The following KLHL1 variants were observed in gnomAD, a reference collection of about 807,000 sequenced individuals.
KLHL1 encodes the protein kelch-like protein 1.
A neutral mutation model predicts 77.7 loss-of-function variants in KLHL1; 47 were observed. The ratio of observed to expected loss-of-function variants is 0.60; its 90% CI spans 0.48 to 0.77. The LOEUF is 0.77. Ranked by LOEUF, KLHL1 falls within the 30% of genes least tolerant of loss-of-function variation. KLHL1 has a pLI of 0.00. For synonymous variants in KLHL1, 360 were observed against 325.2 expected (o/e 1.11, Z -1.15); for missense variants, 925 against 910.8 (o/e 1.02, Z -0.20).
intron 4 of KLHL1, among the ~76,000 whole-genome samples, chr13:69,912,616 C>G (rs1390881325): frequency 6.6e-6 from 1 of 152,058 alleles, no homozygotes; most frequent in Non-Finnish European, 1.5e-5. Flanking sequence ...TGCCAGTCAT[C>G]TCCAGGTGCA....
rs1886435806 is a variant in KLHL1, at chr13:70,043,888, T to G, written c.497+63315A>C. Among the ~76,000 whole-genome samples, 3 of 152,188 alleles carry G rather than the reference T, an allele frequency of 2.0e-5. No homozygotes were observed. The South Asian group carries it at 6.2e-4, about 31-fold the overall frequency. ...CAAGAATCTGACCATTGTCAGCAAC[T>G]CCACCACTTCTAATCTGACTCATCA... On this transcript the variant is annotated intron_variant, in intron 1 of 10. Coordinates refer to ENST00000377844, the MANE Select transcript of KLHL1 (RefSeq NM_020866.3).
At chr13:70,062,656 A>G (rs1469879280) in intron 1 of KLHL1, among the ~76,000 whole-genome samples, 1 of 152,136 alleles carries the variant, frequency 6.6e-6, no homozygotes, top group African/African-American at 2.4e-5. Flanking sequence ...TAAATTGATG[A>G]GTGAGTAAAT....
chr13:70,008,509 C>T (rs1885457732), intron 1 of KLHL1, among the ~76,000 whole-genome samples: 1 of 152,018 alleles, frequency 6.6e-6, no homozygotes. Context: ...CCCAAATATG[C>T]ATGTTTTTAA....
intron 1 of KLHL1, among the ~76,000 whole-genome samples, chr13:69,983,918 C>T (rs1884791134): frequency 2.5e-5 from 1 of 40,090 alleles, no homozygotes; most frequent in Admixed American, 2.3e-4. Context: ...TGACAAAGAT[C>T]CCACAGTAAA....
chr13:70,010,793 G>T (rs1175087005), intron 1 of KLHL1, among the ~76,000 whole-genome samples: 1 of 151,946 alleles, frequency 6.6e-6, no homozygotes, highest in Non-Finnish European at 1.5e-5. Context: ...TAGGGAGGCT[G>T]AGGCAGGAGA....
intron 1 of KLHL1, among the ~76,000 whole-genome samples, chr13:70,090,483 AAAAC>A (rs1206433564): frequency 6.6e-6 from 1 of 151,984 alleles, no homozygotes; most frequent in Non-Finnish European, 1.5e-5. Flanking sequence ...ATTGAAAAAA[AAAAC>A]AGAGAAGTTA....
intron 4 of KLHL1, among the ~76,000 whole-genome samples, chr13:69,900,129 T>C (rs763646600): frequency 6.6e-5 from 10 of 152,194 alleles, no homozygotes; most frequent in Non-Finnish European, 1.3e-4. Flanking sequence ...AATAGATGAA[T>C]ACTCTGGATA....
At chr13:70,014,468 A>G (rs1441562) in intron 1 of KLHL1, among the ~76,000 whole-genome samples, 81,745 of 151,880 alleles carry the variant, frequency 0.54, 22,210 homozygotes, top group Non-Finnish European at 0.57. Flanking sequence ...AATAGCATTT[A>G]TCAGATGATC....
intron 7 of KLHL1, among the ~76,000 whole-genome samples, chr13:69,761,048 T>G (rs2137965101): frequency 6.6e-6 from 1 of 152,010 alleles, no homozygotes; most frequent in South Asian, 2.1e-4. Flanking sequence ...CTCCTGGGAG[T>G]TGCCAGGAAA....
intron 2 of KLHL1, 77 bp from the exon 3 acceptor site, chr13:69,961,521 G>T: frequency 6.8e-7 from 1 of 1,476,792 alleles, no homozygotes; most frequent in Non-Finnish European, 9.4e-7. Flanking sequence ...ATGCAACACA[G>T]AGCACAAAAT....
intron 7 of KLHL1, among the ~76,000 whole-genome samples, chr13:69,787,039 G>A (rs1876589836): frequency 1.3e-5 from 2 of 152,284 alleles, no homozygotes; most frequent in South Asian, 2.1e-4. Context: ...AACATTCCAT[G>A]CTCATGGGTA....
At chr13:69,800,126 A>G (rs1877311253) in intron 6 of KLHL1, among the ~76,000 whole-genome samples, 2 of 152,200 alleles carry the variant, frequency 1.3e-5, no homozygotes, top group South Asian at 4.1e-4. Context: ...AGGCCACCAC[A>G]TTCCTTGTTA....
intron 4 of KLHL1, among the ~76,000 whole-genome samples, chr13:69,884,899 A>T (rs1157312812): frequency 6.6e-6 from 1 of 150,520 alleles, no homozygotes; most frequent in Non-Finnish European, 1.5e-5. Flanking sequence ...CAGCTCTGAT[A>T]ATAGTTTTAA....
intron 8 of KLHL1, among the ~76,000 whole-genome samples, chr13:69,727,043 T>C (rs1404678083): frequency 1.3e-5 from 2 of 152,004 alleles, no homozygotes. Flanking sequence ...GCAGGGAAAA[T>C]TATTAATTAT....
At chr13:69,965,390 G>A (rs1056066686) in intron 2 of KLHL1, among the ~76,000 whole-genome samples, 9 of 152,024 alleles carry the variant, frequency 5.9e-5, no homozygotes, top group African/African-American at 1.9e-4. Flanking sequence ...CTTGTTTGGC[G>A]GTGTCATAAA....
At chr13:69,778,780 G>A (rs114125687) in intron 7 of KLHL1, among the ~76,000 whole-genome samples, 2,402 of 149,452 alleles carry the variant, frequency 0.016, 62 homozygotes, top group African/African-American at 0.055. Flanking sequence ...ATTGAAGGCA[G>A]GTATTCCCTC....
At chr13:70,001,657 TTATC>T (rs71116972) in intron 1 of KLHL1, among the ~76,000 whole-genome samples, 14,265 of 145,298 alleles carry the variant, frequency 0.098, 747 homozygotes, top group Non-Finnish European at 0.11. Flanking sequence ...TATCTATCTA[TTATC>T]TATCTATCTA....
intron 1 of KLHL1, among the ~76,000 whole-genome samples, chr13:70,068,097 T>C (rs1359412041): frequency 6.7e-6 from 1 of 149,664 alleles, no homozygotes; most frequent in East Asian, 1.9e-4. Context: ...ATCCCAGCAC[T>C]TTGGGAGGCC....
intron 7 of KLHL1, among the ~76,000 whole-genome samples, chr13:69,768,348 G>A (rs949789162): frequency 6.6e-6 from 1 of 152,060 alleles, no homozygotes; most frequent in African/African-American, 2.4e-5. Flanking sequence ...ATTACACAAA[G>A]CTTCTACAGC....
Sources: gnomAD v4.1 joint callset for allele counts (sites outside exome capture counted in the v4.1 genomes callset) on GRCh38, gnomAD v4.1.1 for gene constraint, MANE v1.5 for transcripts, NCBI Gene and HGNC (gene_info 2026-07-23, HGNC 2026-07-21) for gene names.